The following CYP7B1 variants were observed in gnomAD, a reference collection of about 807,000 sequenced individuals.
The protein encoded by CYP7B1 is cytochrome P450 family 7 subfamily B member 1, also known as cytochrome P450 7B1.
A neutral mutation model predicts 42.7 loss-of-function variants in CYP7B1; 29 were observed. That is an observed-to-expected ratio of 0.68 (90% CI 0.51 to 0.93). The LOEUF is 0.93. CYP7B1 is among the 40% of genes least tolerant of loss of function. The pLI, the probability that CYP7B1 is intolerant of heterozygous loss-of-function variation, is 0.00. For synonymous variants in CYP7B1, 235 were observed against 218.2 expected (o/e 1.08, Z -0.68); for missense variants, 655 against 600.5 (o/e 1.09, Z -0.95).
chr8:64,751,510 A>C (rs1807724851), intron 1 of CYP7B1, among the ~76,000 whole-genome samples: 1 of 152,180 alleles, frequency 6.6e-6, no homozygotes, highest in Non-Finnish European at 1.5e-5. Flanking sequence ...TACTATAATA[A>C]ATGCTATAAT....
At chr8:64,771,080 T>TTTTTTTTG (rs61295651) in intron 1 of CYP7B1, among the ~76,000 whole-genome samples, 2 of 132,376 alleles carry the variant, frequency 1.5e-5, no homozygotes, top group African/African-American at 6.2e-5. Flanking sequence ...TTTTTTTTTT[T>TTTTTTTTG]AGACAGGGTC....
intron 1 of CYP7B1, among the ~76,000 whole-genome samples, chr8:64,691,567 C>T (rs1806746216): frequency 6.6e-6 from 1 of 150,920 alleles, no homozygotes; most frequent in Non-Finnish European, 1.5e-5. Context: ...CTTGTTTCTA[C>T]TCATTGTTGC....
chr8:64,685,855 G>A (rs1206080368), intron 1 of CYP7B1, among the ~76,000 whole-genome samples: 3 of 44,496 alleles, frequency 6.7e-5, no homozygotes, highest in Non-Finnish European at 9.9e-5. Context: ...CCGGCCAGCC[G>A]TGCCATCCGG....
intron 1 of CYP7B1, among the ~76,000 whole-genome samples, chr8:64,792,394 A>C (rs1333582903): frequency 1.3e-5 from 2 of 152,180 alleles, no homozygotes; most frequent in African/African-American, 4.8e-5. Context: ...TAAAGGCACT[A>C]ATATTACTGC....
intron 2 of CYP7B1, among the ~76,000 whole-genome samples, chr8:64,623,927 G>A (rs1805568245): frequency 6.6e-6 from 1 of 151,982 alleles, no homozygotes; most frequent in Non-Finnish European, 1.5e-5. Context: ...GATTTTTAAT[G>A]ATTGATCAAT....
At chr8:64,727,378 C>T (rs188877850) in intron 1 of CYP7B1, among the ~76,000 whole-genome samples, 1 of 152,222 alleles carries the variant, frequency 6.6e-6, no homozygotes, top group African/African-American at 2.4e-5. Flanking sequence ...ATTATCTTTC[C>T]TCACAAATTA....
intron 1 of CYP7B1, among the ~76,000 whole-genome samples, chr8:64,705,230 G>A (rs528288794): frequency 2.7e-4 from 26 of 96,810 alleles, no homozygotes; most frequent in Admixed American, 2.4e-3. Flanking sequence ...TCAAAAAGGT[G>A]GGGGGGGGAA....
At chr8:64,706,463 A>T (rs781479279) in intron 1 of CYP7B1, among the ~76,000 whole-genome samples, 2 of 151,994 alleles carry the variant, frequency 1.3e-5, no homozygotes, top group Non-Finnish European at 2.9e-5. Flanking sequence ...ATTAATCAGG[A>T]TCTTAATTCT....
At chr8:64,620,486 C>G (rs1272844662) in intron 2 of CYP7B1, among the ~76,000 whole-genome samples, 1 of 152,168 alleles carries the variant, frequency 6.6e-6, no homozygotes, top group African/African-American at 2.4e-5. Context: ...GAACTATTTT[C>G]TGCGACAGGT....
At chr8:64,630,518 T>C (rs1056461411) in intron 1 of CYP7B1, among the ~76,000 whole-genome samples, 2 of 152,236 alleles carry the variant, frequency 1.3e-5, no homozygotes, top group African/African-American at 2.4e-5. Context: ...TTGCAAGCAA[T>C]TGCATATCTG....
intron 1 of CYP7B1, among the ~76,000 whole-genome samples, chr8:64,649,379 T>C (rs1331307662): frequency 6.6e-6 from 1 of 152,236 alleles, no homozygotes; most frequent in Non-Finnish European, 1.5e-5. Flanking sequence ...TTGTTACATA[T>C]TGCGGAATTT....
chr8:64,715,726 G>A (rs984440619), intron 1 of CYP7B1, among the ~76,000 whole-genome samples: 1 of 152,142 alleles, frequency 6.6e-6, no homozygotes, highest in Non-Finnish European at 1.5e-5. Context: ...ACCCAAAAGA[G>A]GGAAACGTAG....
chr8:64,677,297 C>A (rs1245006144), intron 1 of CYP7B1, among the ~76,000 whole-genome samples: 3 of 151,896 alleles, frequency 2.0e-5, no homozygotes, highest in Middle Eastern at 3.4e-3. Flanking sequence ...AAACCCTAAA[C>A]CTTTTAAAGC....
intron 1 of CYP7B1, among the ~76,000 whole-genome samples, chr8:64,784,034 T>C (rs1287004625): frequency 6.6e-6 from 1 of 152,172 alleles, no homozygotes; most frequent in African/African-American, 2.4e-5. Context: ...AAGGTATCAG[T>C]CCTTGACAGA....
chr8:64,716,429 G>A (rs566496661), intron 1 of CYP7B1, among the ~76,000 whole-genome samples: 89 of 152,206 alleles, frequency 5.8e-4, no homozygotes, highest in Admixed American at 1.3e-3. Flanking sequence ...CTTCAGAGCC[G>A]GGCACGGTGG....
chr8:64,745,251 C>T lies in CYP7B1; in HGVS notation c.122+53215G>A, dbSNP rs117160615. ...TGCTTCCATTTGCTCTCTGCATAGACGAAAATGTCCTTTTTAATATTTATG... is the reference window on the plus strand; with the variant it reads ...TGCTTCCATTTGCTCTCTGCATAGATGAAAATGTCCTTTTTAATATTTATG... On this transcript the variant is annotated intron_variant, in intron 1 of 5. Coordinates refer to ENST00000310193, the MANE Select transcript of CYP7B1 (RefSeq NM_004820.5). Among the ~76,000 whole-genome samples, 54 of 152,186 alleles carry T rather than the reference C, an allele frequency of 3.5e-4. 1 individual carries two copies. In the East Asian group the frequency reaches 8.7e-3, roughly 24 times the overall value.
At chr8:64,766,518 A>C (rs1807975551) in intron 1 of CYP7B1, among the ~76,000 whole-genome samples, 1 of 145,532 alleles carries the variant, frequency 6.9e-6, no homozygotes. Flanking sequence ...AACGGGATTA[A>C]AAAAAAAAAA....
chr8:64,624,599 A>G, intron 1 of CYP7B1, 60 bp from the exon 2 acceptor site: 2 of 1,591,726 alleles, frequency 1.3e-6, no homozygotes, highest in Non-Finnish European at 1.7e-6. Context: ...TCTTATTCGA[A>G]TACAGGTGGT....
At chr8:64,708,667 T>C (rs1367545364) in intron 1 of CYP7B1, among the ~76,000 whole-genome samples, 2 of 152,206 alleles carry the variant, frequency 1.3e-5, no homozygotes, top group Admixed American at 6.6e-5. Flanking sequence ...TCTGAATTAA[T>C]GTTTTGTTAG....
Sources: gnomAD v4.1 joint callset for allele counts (sites outside exome capture counted in the v4.1 genomes callset) on GRCh38, gnomAD v4.1.1 for gene constraint, MANE v1.5 for transcripts, NCBI Gene and HGNC (gene_info 2026-07-23, HGNC 2026-07-21) for gene names.